AKAP13: variants seen among roughly 807,000 people sequenced by gnomAD.
The protein encoded by AKAP13 is A-kinase anchor protein 13.
AKAP13 carries 80 observed loss-of-function variants against 264.5 expected under a neutral mutation model. The observed-to-expected ratio is 0.30, with a 90% CI of 0.25 to 0.36. The LOEUF (loss-of-function observed/expected upper bound fraction) is 0.36. Among genes scored for constraint, AKAP13 ranks in the 10% least tolerant of loss-of-function variants. The pLI is 1.00. For missense variants in AKAP13, 3,712 were observed against 3,435.2 expected (o/e 1.08, Z -2.01); for synonymous variants, 1,380 against 1,250.2 (o/e 1.10, Z -2.19).
chr15:85,650,337 G>A (rs1239262725), intron 10 of AKAP13, among the ~76,000 whole-genome samples: 8 of 152,046 alleles, frequency 5.3e-5, no homozygotes, highest in Admixed American at 3.3e-4. Flanking sequence ...AGGCAGAGGC[G>A]AGAGGATCAC....
At chr15:85,709,509 C>T (rs1485364791) in intron 18 of AKAP13, among the ~76,000 whole-genome samples, 3 of 151,904 alleles carry the variant, frequency 2.0e-5, no homozygotes, top group Middle Eastern at 3.2e-3. Flanking sequence ...CCCCAGCTTG[C>T]TTCTGTCATT....
At chr15:85,666,548 T>C (rs1373446151) in intron 13 of AKAP13, among the ~76,000 whole-genome samples, 1 of 152,158 alleles carries the variant, frequency 6.6e-6, no homozygotes, top group Non-Finnish European at 1.5e-5. Context: ...AAAATTTTAT[T>C]TATTTATTTA....
intron 2 of AKAP13, chr15:85,520,563 A>T: frequency 2.2e-6 from 1 of 458,008 alleles, no homozygotes; most frequent in South Asian, 1.6e-5. Context: ...TAGTAGTTGC[A>T]AAGTCATAGA....
chr15:85,718,194 T>C lies in AKAP13; in HGVS notation c.6001+35T>C, dbSNP rs769442920. On this transcript the variant is annotated intron_variant, in intron 22 of 36. Coordinates refer to ENST00000394518, the MANE Select transcript of AKAP13 (RefSeq NM_007200.5). This position sits in a 1 kb window ranked among gnomAD's most constrained non-coding sequence, Gnocchi z 4.9. ...TTCATTTTGCTCTGATTATATTTGA[T>C]TTCCATTGTCCAGCATTTTTAAGCA... 6 of 1,606,002 alleles carry C rather than the reference T, an allele frequency of 3.7e-6. No homozygotes were observed. Among genetic ancestry groups the C allele is most frequent in the Non-Finnish European group, 5.1e-6 (6 of 1,174,054 alleles).
intron 2 of AKAP13, 74 bp from the exon 3 acceptor site, chr15:85,521,354 A>T: frequency 3.9e-6 from 6 of 1,533,824 alleles, no homozygotes; most frequent in Non-Finnish European, 3.6e-6. Context: ...TCCCTTAAAT[A>T]TGATGTTTGA....
chr15:85,663,168 G>T (rs983639102), intron 12 of AKAP13, among the ~76,000 whole-genome samples: 1 of 152,146 alleles, frequency 6.6e-6, no homozygotes, highest in African/African-American at 2.4e-5. Context: ...AAATTGGCCA[G>T]ACACGGTAGC....
chr15:85,430,251 G>A (rs1297910114), intron 1 of AKAP13, among the ~76,000 whole-genome samples: 1 of 152,208 alleles, frequency 6.6e-6, no homozygotes, highest in Non-Finnish European at 1.5e-5. Context: ...CTAATTACAT[G>A]TCTTAATCAT....
At chr15:85,544,424 G>T (rs1012213460) in intron 5 of AKAP13, among the ~76,000 whole-genome samples, 3 of 152,146 alleles carry the variant, frequency 2.0e-5, no homozygotes, top group Non-Finnish European at 4.4e-5. Flanking sequence ...AAACAATTAA[G>T]TTTTGGATTG....
At chr15:85,404,661 ACT>A (rs938556454) in intron 1 of AKAP13, among the ~76,000 whole-genome samples, 4 of 152,290 alleles carry the variant, frequency 2.6e-5, no homozygotes, top group African/African-American at 7.2e-5. Flanking sequence ...TTTCTGGCAC[ACT>A]GTTTCCTATC....
intron 5 of AKAP13, among the ~76,000 whole-genome samples, chr15:85,560,121 C>G (rs1335015480): frequency 1.9e-5 from 2 of 107,176 alleles, no homozygotes; most frequent in Non-Finnish European, 3.5e-5. Flanking sequence ...TACCTGCTGT[C>G]TCCACCTAAA....
At chr15:85,653,910 C>T (rs1004572174) in intron 10 of AKAP13, among the ~76,000 whole-genome samples, 12 of 152,204 alleles carry the variant, frequency 7.9e-5, no homozygotes, top group South Asian at 2.1e-4. Context: ...CCATCAAATT[C>T]TGTGTTCTGG....
chr15:85,435,375 A>T (rs2073232185), intron 1 of AKAP13, among the ~76,000 whole-genome samples: 1 of 122,376 alleles, frequency 8.2e-6, no homozygotes, highest in African/African-American at 3.2e-5. Context: ...GAATGGAACC[A>T]AGTTGGAAAA....
intron 27 of AKAP13, 86 bp downstream of exon 27, chr15:85,726,572 G>A (rs1019013234): frequency 1.1e-5 from 13 of 1,154,912 alleles, no homozygotes; most frequent in African/African-American, 1.6e-5. Flanking sequence ...GCTCTCCCCC[G>A]CCCTCTTAAA....
intron 10 of AKAP13, among the ~76,000 whole-genome samples, chr15:85,649,402 A>G (rs1049067552): frequency 1.3e-5 from 2 of 152,208 alleles, no homozygotes; most frequent in Admixed American, 1.3e-4. Context: ...GCTTCCTTAA[A>G]AGTCTTCCTC....
chr15:85,422,018 T>C (rs1223825406), intron 1 of AKAP13, among the ~76,000 whole-genome samples: 1 of 152,218 alleles, frequency 6.6e-6, no homozygotes, highest in African/African-American at 2.4e-5. Flanking sequence ...CAAAGGTCTT[T>C]GTTACTGTAA....
chr15:85,543,791 A>G lies in AKAP13; in HGVS notation c.498A>G (p.Thr166=). ...QSLHDAGPRE[T]LMHFAVRLGL... Reference sequence around the variant, plus strand: ...TTACAGATGCTGGCCCGCGAGAGACATTGATGCATTTTGCTGTGCGGCTGG... The same window carrying G: ...TTACAGATGCTGGCCCGCGAGAGACGTTGATGCATTTTGCTGTGCGGCTGG... Residue 166 remains threonine (T), a synonymous_variant, in exon 5 of 37, where the codon ACA becomes ACG. Coordinates refer to ENST00000394518, the MANE Select transcript of AKAP13 (RefSeq NM_007200.5). 1 of 1,609,598 alleles carries G rather than the reference A, an allele frequency of 6.2e-7. No homozygotes were observed.
intron 36 of AKAP13, 182 bp downstream of exon 36, chr15:85,744,007 C>T (rs889714906): frequency 8.8e-6 from 6 of 678,266 alleles, no homozygotes; most frequent in East Asian, 2.8e-5. Context: ...ATTAAGAACC[C>T]ACTCTGTGTG....
At chr15:85,578,396 G>A (rs763218602) in intron 6 of AKAP13, among the ~76,000 whole-genome samples, 14 of 152,146 alleles carry the variant, frequency 9.2e-5, no homozygotes, top group Non-Finnish European at 1.9e-4. Context: ...TGCCCAGGCT[G>A]GAGTGCAGTG....
At chr15:85,735,475 TC>T (rs2088391020) in intron 31 of AKAP13, 84 bp from the exon 32 acceptor site, 4 of 1,396,680 alleles carry the variant, frequency 2.9e-6, no homozygotes, top group Non-Finnish European at 4.0e-6. Flanking sequence ...ACATACTACA[TC>T]CCCAAGATGC....
Sources: gnomAD v4.1 joint callset for allele counts (sites outside exome capture counted in the v4.1 genomes callset) on GRCh38, gnomAD v4.1.1 for gene constraint, Gnocchi (gnomAD v3.1) non-coding constraint, MANE v1.5 for transcripts, NCBI Gene and HGNC (gene_info 2026-07-23, HGNC 2026-07-21) for gene names.